The following CADM3 variants were observed in gnomAD, a reference collection of about 807,000 sequenced individuals.
CADM3 encodes the protein TSLC1-like 1.
CADM3 carries 11 observed loss-of-function variants against 44.9 expected under a neutral mutation model. The ratio of observed to expected loss-of-function variants is 0.25; its 90% CI spans 0.15 to 0.41. The LOEUF (loss-of-function observed/expected upper bound fraction) is 0.41. Among genes scored for constraint, CADM3 ranks in the 10% least tolerant of loss-of-function variants. The probability of loss-of-function intolerance (pLI) is 1.00; values close to 1 mark genes in which losing one functional copy is unlikely to be tolerated. For synonymous variants in CADM3, 207 were observed against 205.2 expected (o/e 1.01, Z -0.08); for missense variants, 426 against 512.0 (o/e 0.83, Z 1.62).
chr1:159,172,125 C>T (rs1184184781), intron 1 of CADM3, among the ~76,000 whole-genome samples: 2 of 151,984 alleles, frequency 1.3e-5, no homozygotes, highest in Admixed American at 1.3e-4. Context: ...CCGTTAGGAG[C>T]AGCCCGGGGT....
In CADM3 at chr1:159,189,121, A is replaced by G. The variant is rs955528927; in HGVS notation, c.89-2815A>G. The stretch of plus-strand genomic sequence containing the variant: ...GCCCTAACCATGATCTGTTTCTTCA[A>G]TGGTGGGAGTCTCACATTGAAACAA... On this transcript the variant is annotated intron_variant, in intron 1 of 8. Transcript: ENST00000368125. 5.3e-5 allele frequency among the ~76,000 whole-genome samples: 8 copies of G among 152,312 alleles called. No individual in the cohort carries two copies. In the South Asian group the frequency reaches 1.7e-3, roughly 32 times the overall value.
chr1:159,199,271 A>G (rs1325215220), intron 7 of CADM3, among the ~76,000 whole-genome samples: 1 of 151,912 alleles, frequency 6.6e-6, no homozygotes, highest in Non-Finnish European at 1.5e-5. Context: ...GGGACAGAGA[A>G]GGAACACTCT....
chr1:159,190,714 T>C (rs1180181183), intron 1 of CADM3, among the ~76,000 whole-genome samples: 2 of 152,148 alleles, frequency 1.3e-5, no homozygotes, highest in Admixed American at 6.5e-5. Context: ...TTCTTGGAAA[T>C]GGAATTCCAG....
chr1:159,187,044 G>C (rs1326252999), intron 1 of CADM3, among the ~76,000 whole-genome samples: 1 of 152,228 alleles, frequency 6.6e-6, no homozygotes, highest in Non-Finnish European at 1.5e-5. Flanking sequence ...GTGAAATGCA[G>C]GAGGAGGGGA....
chr1:159,180,443 G>C (rs1270537209), intron 1 of CADM3, among the ~76,000 whole-genome samples: 4 of 152,176 alleles, frequency 2.6e-5, no homozygotes, highest in Non-Finnish European at 5.9e-5. Flanking sequence ...AGTTCTTTAT[G>C]TCAGAACAAT....
Position 159,196,444 on chromosome 1 carries a change from G to A in CADM3, c.772G>A (p.Gly258Ser), listed in dbSNP as rs1291637251. The A allele has an allele frequency of 1.9e-6, 3 of 1,613,556 alleles. No homozygotes were observed. Among genetic ancestry groups the A allele is most frequent in the African/African-American group, 1.3e-5 (1 of 74,858 alleles). Reference sequence around the variant, plus strand: ...GCTGTTGCTACACTGTGAGGGTCGCGGCAATCCAGTGTAAGAAGATCCATT... The same window carrying A: ...GCTGTTGCTACACTGTGAGGGTCGCAGCAATCCAGTGTAAGAAGATCCATT... The part of the protein sequence containing the change: ...QKLLLHCEGR[G>S]NPVPQQYLWE... Residue 258 changes from glycine to serine, a missense_variant, in exon 6 of 9, where the codon GGC becomes AGC. Gly to Ser is a moderately conservative substitution (Grantham distance 56, BLOSUM62 0). This residue lies in a region of CADM3 where 362 missense variants were observed against 474.6 expected (regional missense o/e 0.76). Coordinates refer to ENST00000368125, the MANE Select transcript of CADM3 (RefSeq NM_001127173.3).
intron 3 of CADM3, 25 bp from the exon 4 acceptor site, chr1:159,193,398 C>T: frequency 6.4e-7 from 1 of 1,571,368 alleles, no homozygotes; most frequent in African/African-American, 1.3e-5. Flanking sequence ...TCCTTCCTAT[C>T]CTGGCCATCC....
At position 159,196,941 on chromosome 1, in the gene CADM3, T is replaced by C. The variant is rs1163732809; in HGVS notation, c.833T>C (p.Met278Thr). 3 of 1,614,086 alleles carry C rather than the reference T, an allele frequency of 1.9e-6. No individual in the cohort carries two copies. In the South Asian group the frequency reaches 3.3e-5, roughly 18 times the overall value. Residue 278 changes from methionine (M) to threonine (T), a missense_variant, in exon 7 of 9, where the codon ATG becomes ACG. Met to Thr is a moderately conservative substitution (Grantham distance 81, BLOSUM62 -1). Around this residue, in one of 2 missense-constraint regions of CADM3, gnomAD observed 362 missense variants for 474.6 expected, o/e 0.76. Transcript: ENST00000368125. ...GAGGGCAGTGTGCCACCCCTGAAGA[T>C]GACCCAGGAGAGTGCCCTGATCTTC... ...EKEGSVPPLK[M>T]TQESALIFPF...
At chr1:159,178,638 T>C (rs1649115999) in intron 1 of CADM3, 1 of 152,202 alleles carries the variant, frequency 6.6e-6, no homozygotes, top group Admixed American at 6.5e-5. Context: ...GCTTTAAATA[T>C]AACCATCTTC....
At chr1:159,190,970 C>CA (rs1649634949) in intron 1 of CADM3, among the ~76,000 whole-genome samples, 1 of 152,086 alleles carries the variant, frequency 6.6e-6, no homozygotes, top group South Asian at 2.1e-4. Context: ...TACTGAGTCA[C>CA]AGAGAGTCAG....
chr1:159,192,158 G>A, intron 2 of CADM3, 82 bp downstream of exon 2: 2 of 1,436,754 alleles, frequency 1.4e-6, no homozygotes, highest in Non-Finnish European at 1.9e-6. Context: ...AACTGTTCCT[G>A]TCATCCAGAG....
intron 1 of CADM3, among the ~76,000 whole-genome samples, chr1:159,191,526 A>T (rs1177994285): frequency 6.6e-6 from 1 of 152,070 alleles, no homozygotes; most frequent in South Asian, 2.1e-4. Context: ...TCTTGTTCTT[A>T]TATGTAGGTG....
In CADM3 at chr1:159,201,025, G is replaced by C; in HGVS notation, c.*103G>C. On this transcript the variant is annotated 3_prime_UTR_variant, in exon 9 of 9. Transcript: ENST00000368125. Reference sequence around the variant, plus strand: ...GAGCAACCGCAGGGCCGCCCCTCCCGCTTGCTCCCCAGCCCACCCACCCCC... The same window carrying C: ...GAGCAACCGCAGGGCCGCCCCTCCCCCTTGCTCCCCAGCCCACCCACCCCC... 1.5e-6 allele frequency: 1 copy of C among 678,700 alleles called. No homozygotes were observed. The highest frequency in any genetic ancestry group is 3.6e-5 in the Admixed American group (1 of 27,824). 42.0% of individuals were successfully genotyped at this position (678,700 alleles called of 1,614,324 possible).
Position 159,200,866 on chromosome 1 carries a change from A to T in CADM3, c.1141A>T (p.Ile381Phe). The change falls in exon 9 of 9, where the codon ATC (isoleucine) becomes TTC (phenylalanine). Residue 381 changes from isoleucine to phenylalanine, a missense_variant. Transcript: ENST00000368125. ...DDAPDADTAIINAEGGQSGGD... is the reference protein window; with the variant it reads ...DDAPDADTAIFNAEGGQSGGD... ...TGCTCCAGACGCGGACACGGCCATCATCAATGCAGAAGGCGGGCAGTCAGG... is the reference window on the plus strand; with the variant it reads ...TGCTCCAGACGCGGACACGGCCATCTTCAATGCAGAAGGCGGGCAGTCAGG... 3 of 1,611,488 alleles carry T rather than the reference A, an allele frequency of 1.9e-6. No individual in the cohort carries two copies. The highest frequency in any genetic ancestry group is 1.1e-5 in the South Asian group (1 of 90,748).
At chr1:159,180,299 T>C (rs529291660) in intron 1 of CADM3, among the ~76,000 whole-genome samples, 1 of 152,120 alleles carries the variant, frequency 6.6e-6, no homozygotes, top group Non-Finnish European at 1.5e-5. Context: ...ATATGATTAG[T>C]GAGAATCAGA....
intron 1 of CADM3, among the ~76,000 whole-genome samples, chr1:159,181,786 C>T (rs1390420290): frequency 6.6e-6 from 1 of 152,122 alleles, no homozygotes; most frequent in African/African-American, 2.4e-5. Context: ...GACTCAATAG[C>T]AAATCAAAGC....
Position 159,193,881 on chromosome 1 carries a change from C to T in CADM3, c.532C>T (p.Arg178Cys). Reference protein sequence around the residue: ...GDQELHGEPTRIQEDPNGKTF... With the variant: ...GDQELHGEPTCIQEDPNGKTF... Reference sequence around the variant, plus strand: ...TTTCTGCACTCTAGGAGAACCAACCCGCATACAGGAAGATCCCAATGGTAA... The same window carrying T: ...TTTCTGCACTCTAGGAGAACCAACCTGCATACAGGAAGATCCCAATGGTAA... Residue 178 changes from arginine (R) to cysteine (C), a missense_variant, in exon 5 of 9, where the codon CGC (arginine) becomes TGC (cysteine). This residue lies in a region of CADM3 where 362 missense variants were observed against 474.6 expected (regional missense o/e 0.76). Transcript: ENST00000368125. The T allele has an allele frequency of 6.2e-7, 1 of 1,613,582 alleles. No individual in the cohort carries two copies. Among genetic ancestry groups the T allele is most frequent in the Non-Finnish European group, 8.5e-7 (1 of 1,179,756 alleles).
At chr1:159,181,105 T>C (rs973319248) in intron 1 of CADM3, among the ~76,000 whole-genome samples, 2 of 152,208 alleles carry the variant, frequency 1.3e-5, no homozygotes, top group Non-Finnish European at 2.9e-5. Flanking sequence ...TATTTTCCCA[T>C]ACCCTTCCAA....
intron 7 of CADM3, among the ~76,000 whole-genome samples, chr1:159,199,434 G>C (rs1227035297): frequency 6.7e-6 from 1 of 149,684 alleles, no homozygotes; most frequent in Non-Finnish European, 1.5e-5. Flanking sequence ...GGAAGAAATG[G>C]AGGGAGGGAG....
Sources: allele counts gnomAD v4.1 joint callset (sites outside exome capture counted in the v4.1 genomes callset), GRCh38; gene constraint gnomAD v4.1.1; regional missense constraint gnomAD v4.1.1; transcripts MANE v1.5; gene names NCBI Gene and HGNC (gene_info 2026-07-23, HGNC 2026-07-21).